ERBB4: variants seen among roughly 807,000 people sequenced by gnomAD.
ERBB4 encodes the protein erb-b2 receptor tyrosine kinase 4, also known as receptor tyrosine-protein kinase erbB-4.
Under a neutral mutation model 158.0 loss-of-function variants are expected in ERBB4, and 42 were observed. That is an observed-to-expected ratio of 0.27 (90% confidence interval 0.21 to 0.34). The LOEUF (loss-of-function observed/expected upper bound fraction) is 0.34. ERBB4 is among the 10% of genes least tolerant of loss of function. ERBB4 has a pLI of 1.00. For missense variants in ERBB4, 1,333 were observed against 1,624.1 expected, an observed-to-expected ratio of 0.82 and a Z score of 3.08; for synonymous variants, 583 against 558.7, an observed-to-expected ratio of 1.04 and a Z score of -0.61.
At chr2:211,743,641 G>A (rs976913696) in intron 5 of ERBB4, among the ~76,000 whole-genome samples, 1 of 152,152 alleles carries the variant, frequency 6.6e-6, no homozygotes, top group Non-Finnish European at 1.5e-5. Context: ...CTTATGAATA[G>A]AGAGAGTTGT....
intron 1 of ERBB4, among the ~76,000 whole-genome samples, chr2:212,342,440 G>A (rs952042535): frequency 2.0e-5 from 3 of 152,148 alleles, no homozygotes; most frequent in Admixed American, 2.0e-4. Flanking sequence ...CACCATGTAA[G>A]ATGTGCCTTC....
chr2:211,622,422 T>C (rs1051841467), intron 18 of ERBB4, among the ~76,000 whole-genome samples: 2 of 152,180 alleles, frequency 1.3e-5, no homozygotes, highest in Non-Finnish European at 2.9e-5. Flanking sequence ...AAAATATGCA[T>C]ACTAAAAGAT....
At chr2:212,214,320 T>A (rs1359335634) in intron 1 of ERBB4, among the ~76,000 whole-genome samples, 1 of 151,724 alleles carries the variant, frequency 6.6e-6, no homozygotes, top group Non-Finnish European at 1.5e-5. Context: ...AGAAACTGAA[T>A]TTTTACTTTT....
chr2:212,177,624 C>T (rs1459559437), intron 1 of ERBB4, among the ~76,000 whole-genome samples: 2 of 151,804 alleles, frequency 1.3e-5, no homozygotes, highest in Non-Finnish European at 2.9e-5. Context: ...TTTCAAGAAG[C>T]TTATCAATTA....
intron 1 of ERBB4, among the ~76,000 whole-genome samples, chr2:212,260,152 CTT>C: frequency 6.6e-6 from 1 of 151,782 alleles, no homozygotes; most frequent in African/African-American, 2.4e-5. Context: ...AAATATCCAC[CTT>C]AAAGGAGATA....
intron 1 of ERBB4, among the ~76,000 whole-genome samples, chr2:212,444,992 A>G (rs1162610942): frequency 6.6e-6 from 1 of 151,710 alleles, no homozygotes; most frequent in Non-Finnish European, 1.5e-5. Flanking sequence ...AGAATGCCTT[A>G]TCCACCATCA....
intron 1 of ERBB4, among the ~76,000 whole-genome samples, chr2:212,307,227 A>G (rs1043214954): frequency 2.0e-5 from 3 of 151,158 alleles, no homozygotes; most frequent in Non-Finnish European, 3.0e-5. Flanking sequence ...GATCCCCATT[A>G]GCTCTAAAAG....
At chr2:212,398,291 T>C (rs1334922108) in intron 1 of ERBB4, among the ~76,000 whole-genome samples, 1 of 152,146 alleles carries the variant, frequency 6.6e-6, no homozygotes, top group Non-Finnish European at 1.5e-5. Context: ...TTCTTTTCTC[T>C]GGAGCACATA....
At chr2:212,082,158 G>A (rs2078464974) in intron 2 of ERBB4, among the ~76,000 whole-genome samples, 1 of 152,010 alleles carries the variant, frequency 6.6e-6, no homozygotes, top group Admixed American at 6.6e-5. Flanking sequence ...TATCATGTAA[G>A]GAGAATATTT....
chr2:211,691,342 T>C (rs768241771), intron 12 of ERBB4, among the ~76,000 whole-genome samples: 8 of 152,304 alleles, frequency 5.3e-5, no homozygotes, highest in Admixed American at 2.0e-4. Context: ...TCTGAGACAT[T>C]AAGTAAATGC....
chr2:212,461,774 T>C (rs1688588834), intron 1 of ERBB4, among the ~76,000 whole-genome samples: 1 of 152,124 alleles, frequency 6.6e-6, no homozygotes, highest in Non-Finnish European at 1.5e-5. Flanking sequence ...CCACATGTTG[T>C]GGGAGGGACC....
At chr2:211,948,678 T>TAA (rs368084761) in intron 2 of ERBB4, among the ~76,000 whole-genome samples, 1 of 151,814 alleles carries the variant, frequency 6.6e-6, no homozygotes, top group Non-Finnish European at 1.5e-5. Context: ...CTAAAAATGA[T>TAA]AAAAAAAATA....
intron 3 of ERBB4, among the ~76,000 whole-genome samples, chr2:211,932,142 C>T (rs1011018527): frequency 6.6e-6 from 1 of 151,964 alleles, no homozygotes; most frequent in African/African-American, 2.4e-5. Context: ...TAGAAATATG[C>T]CTTCTCATCT....
At chr2:211,392,560 A>G (rs1865681) in intron 25 of ERBB4, among the ~76,000 whole-genome samples, 54,139 of 114,040 alleles carry the variant, frequency 0.47, 10,808 homozygotes, top group South Asian at 0.66. Context: ...CTCTTACTCC[A>G]CACACACACA....
intron 19 of ERBB4, among the ~76,000 whole-genome samples, chr2:211,605,988 A>C (rs2068965664): frequency 6.6e-6 from 1 of 152,044 alleles, no homozygotes; most frequent in Non-Finnish European, 1.5e-5. Context: ...AATTCTCTTT[A>C]AAAGATTAAA....
At chr2:211,964,510 A>G (rs1470356910) in intron 2 of ERBB4, among the ~76,000 whole-genome samples, 2 of 152,192 alleles carry the variant, frequency 1.3e-5, no homozygotes, top group East Asian at 3.8e-4. Context: ...GACATAGGTG[A>G]CATTTCATTT....
intron 12 of ERBB4, among the ~76,000 whole-genome samples, chr2:211,699,698 CA>C (rs372084470): frequency 4.9e-4 from 72 of 146,488 alleles, no homozygotes; most frequent in African/African-American, 1.3e-3. Context: ...ATGCACAGAA[CA>C]AAAAAAAAAT....
At chr2:212,029,918 CCTTAG>C (rs1168054765) in intron 2 of ERBB4, among the ~76,000 whole-genome samples, 1 of 152,116 alleles carries the variant, frequency 6.6e-6, no homozygotes. Flanking sequence ...CTCGTATATT[CCTTAG>C]CTTAATCTGT....
Position 211,481,158 on chromosome 2 carries a change from T to C in ERBB4, c.2488-50058A>G, listed in dbSNP as rs181174965. 2.6e-3 allele frequency among the ~76,000 whole-genome samples: 390 copies of C among 152,248 alleles called. 6 individuals carry two copies. The highest frequency in any genetic ancestry group is 1.1e-3 in the Non-Finnish European group (78 of 68,004). On this transcript the variant is annotated intron_variant, in intron 20 of 27. Transcript: ENST00000342788. Reference sequence around the variant, plus strand: ...TCATAGAAACATTAGTAAAAAGTGATTGAATACCACTTTGAACTTAGAACA... The same window carrying C: ...TCATAGAAACATTAGTAAAAAGTGACTGAATACCACTTTGAACTTAGAACA...
Sources: allele counts gnomAD v4.1 joint callset (sites outside exome capture counted in the v4.1 genomes callset), GRCh38; gene constraint gnomAD v4.1.1; transcripts MANE v1.5; gene names NCBI Gene and HGNC (gene_info 2026-07-23, HGNC 2026-07-21).